The following DNAJB4 variants were observed in gnomAD, a reference collection of about 807,000 sequenced individuals.
The protein encoded by DNAJB4 is DnaJ heat shock protein family (Hsp40) member B4.
A neutral mutation model predicts 26.6 loss-of-function variants in DNAJB4; 10 were observed. The observed-to-expected ratio is 0.38, with a 90% confidence interval of 0.23 to 0.64. DNAJB4 has a LOEUF of 0.64. DNAJB4 is among the 30% of genes least tolerant of loss of function. DNAJB4 has a pLI of 0.58. For synonymous variants in DNAJB4, 136 were observed against 134.8 expected (o/e 1.01, Z -0.06); for missense variants, 328 against 408.2 (o/e 0.80, Z 1.69).
chr1:77,997,936 C>T (rs894203539), intron 1 of DNAJB4, among the ~76,000 whole-genome samples: 3 of 152,086 alleles, frequency 2.0e-5, no homozygotes, highest in East Asian at 3.9e-4. Flanking sequence ...CACAGGTGCA[C>T]GCCACCATGC....
chr1:77,992,431 A>AAAAAAAAAAAAAC (rs1659954277), intron 1 of DNAJB4, among the ~76,000 whole-genome samples: 1 of 150,588 alleles, frequency 6.6e-6, no homozygotes, highest in African/African-American at 2.4e-5. Flanking sequence ...AAAAAAAAAA[A>AAAAAAAAAAAAAC]AAAAAAGAAC....
At position 78,016,507 on chromosome 1, in the gene DNAJB4, T is replaced by C. The variant is rs1166169203; in HGVS notation, c.*260T>C. The C allele has an allele frequency of 9.0e-6, 4 of 445,012 alleles. No homozygotes were observed. The highest frequency in any genetic ancestry group is 1.6e-5 in the Non-Finnish European group (4 of 251,658). The allele number at this position is 445,012 out of a possible 1,614,324, so 27.6% of individuals were successfully genotyped here. ...TTAGTAATTTGCTTATATGTAAAAGTTGTTTTTGTGGAGTCAGTGGATATA... is the reference window on the plus strand; with the variant it reads ...TTAGTAATTTGCTTATATGTAAAAGCTGTTTTTGTGGAGTCAGTGGATATA... On this transcript the variant is annotated 3_prime_UTR_variant, in exon 3 of 3. Transcript: ENST00000370763.
chr1:77,983,681 A>G (rs374252509), intron 1 of DNAJB4, among the ~76,000 whole-genome samples: 6 of 152,326 alleles, frequency 3.9e-5, no homozygotes, highest in East Asian at 3.9e-4. Flanking sequence ...GACACAGCAC[A>G]TGTTTCAGAG....
upstream of DNAJB4, among the ~76,000 whole-genome samples, chr1:78,000,744 G>T (rs1660170133): frequency 6.6e-6 from 1 of 152,126 alleles, no homozygotes; most frequent in African/African-American, 2.4e-5. Context: ...AGCACTTTGG[G>T]AGGCCAAGGC....
chr1:78,000,969 G>A (rs1241180225), upstream of DNAJB4, among the ~76,000 whole-genome samples: 1 of 150,556 alleles, frequency 6.6e-6, no homozygotes, highest in Non-Finnish European at 1.5e-5. Context: ...GACCAGCCTG[G>A]GCGACAGAGC....
chr1:77,979,878 G>GTT (rs111247352), upstream of DNAJB4, among the ~76,000 whole-genome samples: 16 of 149,550 alleles, frequency 1.1e-4, no homozygotes, highest in African/African-American at 3.0e-4. Flanking sequence ...TTTATTAAGG[G>GTT]TTTTTTTTTG....
intron 1 of DNAJB4, among the ~76,000 whole-genome samples, chr1:78,007,967 C>T (rs1660374494): frequency 6.6e-6 from 1 of 152,156 alleles, no homozygotes; most frequent in Non-Finnish European, 1.5e-5. Context: ...GTTGCATATG[C>T]TAAATTTATG....
rs67649336 is a variant in DNAJB4 at position 77,992,412 on chromosome 1, C to CAAAAA, written c.-32+12111_-32+12115dup. ...TGGGCGACAGAGCGAGACTCCGTCT[C>CAAAAA]AAAAAAAAAAAAAAAAAAAAAAAAA... On this transcript the variant is annotated intron_variant, in intron 1 of 2. Coordinates refer to the DNAJB4 transcript ENST00000426517. Among the ~76,000 whole-genome samples, 174 of 47,690 alleles carry CAAAAA rather than the reference C, an allele frequency of 3.6e-3. 11 individuals are homozygous for CAAAAA. The highest frequency in any genetic ancestry group is 4.8e-3 in the Non-Finnish European group (137 of 28,262). 31.3% of individuals were successfully genotyped at this position (47,690 alleles called of 152,430 possible).
chr1:77,989,882 A>G (rs1659891845), intron 1 of DNAJB4, among the ~76,000 whole-genome samples: 1 of 152,226 alleles, frequency 6.6e-6, no homozygotes, highest in South Asian at 2.1e-4. Flanking sequence ...GAATTTCATT[A>G]TTCAAAAACA....
chr1:77,997,374 A>G (rs1411718886), intron 1 of DNAJB4, among the ~76,000 whole-genome samples: 6 of 151,460 alleles, frequency 4.0e-5, no homozygotes, highest in Admixed American at 3.9e-4. Flanking sequence ...TATATATATT[A>G]GCAAGATGTG....
At chr1:77,999,066 A>G (rs115431130) in intron 1 of DNAJB4, among the ~76,000 whole-genome samples, 2 of 152,346 alleles carry the variant, frequency 1.3e-5, no homozygotes, top group East Asian at 1.9e-4. Flanking sequence ...ATAGCAATCT[A>G]TGGTAATGAT....
At chr1:78,011,020 A>C (rs1379528183) in intron 1 of DNAJB4, among the ~76,000 whole-genome samples, 1 of 152,130 alleles carries the variant, frequency 6.6e-6, no homozygotes, top group Non-Finnish European at 1.5e-5. Flanking sequence ...CTCCTAGCTT[A>C]ATCTGTTGGA....
intron 1 of DNAJB4, among the ~76,000 whole-genome samples, chr1:78,009,232 T>A (rs539149003): frequency 1.3e-5 from 2 of 152,206 alleles, no homozygotes; most frequent in Non-Finnish European, 2.9e-5. Flanking sequence ...AAATCTGGAT[T>A]TTTACATATT....
At position 77,996,749 on chromosome 1, in the gene DNAJB4, C is replaced by T. The variant is rs1660068260; in HGVS notation, c.-31-8331C>T. On this transcript the variant is annotated intron_variant, in intron 1 of 2. Transcript: ENST00000426517. The stretch of plus-strand genomic sequence containing the variant: ...CGATAAAATGGAAATTTTGATGATA[C>T]AGACAATAGTCCACAGAGAATTATG... Among the ~76,000 whole-genome samples the T allele has an allele frequency of 2.0e-5, 3 of 152,258 alleles. No individual in the cohort carries two copies. In the South Asian group the frequency reaches 6.2e-4, roughly 32 times the overall value.
At chr1:77,989,085 C>A (rs1425516892) in intron 1 of DNAJB4, among the ~76,000 whole-genome samples, 3 of 151,918 alleles carry the variant, frequency 2.0e-5, no homozygotes, top group African/African-American at 7.3e-5. Context: ...GATGTCCCCC[C>A]ACTCCTCTCT....
At chr1:78,008,403 T>A (rs905083567) in intron 1 of DNAJB4, among the ~76,000 whole-genome samples, 5 of 152,202 alleles carry the variant, frequency 3.3e-5, no homozygotes, top group African/African-American at 1.2e-4. Context: ...AGGAACTATT[T>A]AGCAATAAAA....
upstream of DNAJB4, among the ~76,000 whole-genome samples, chr1:78,003,911 T>C (rs1485398578): frequency 6.6e-5 from 10 of 152,212 alleles, no homozygotes; most frequent in Admixed American, 1.3e-4. Flanking sequence ...TTACCTAAAA[T>C]GATATTATAG....
chr1:78,006,246 C>G, intron 1 of DNAJB4, among the ~76,000 whole-genome samples: 1 of 152,112 alleles, frequency 6.6e-6, no homozygotes, highest in South Asian at 2.1e-4. Context: ...TCAGGTTTGT[C>G]CATCACTTCC....
intron 1 of DNAJB4, among the ~76,000 whole-genome samples, chr1:78,007,714 A>G (rs1660366549): frequency 6.6e-6 from 1 of 152,246 alleles, no homozygotes; most frequent in Admixed American, 6.5e-5. Flanking sequence ...TTATTCTATT[A>G]AAAAATCCCA....
Sources: allele counts gnomAD v4.1 joint callset (sites outside exome capture counted in the v4.1 genomes callset), GRCh38; gene constraint gnomAD v4.1.1; transcripts MANE v1.5; gene names NCBI Gene and HGNC (gene_info 2026-07-23, HGNC 2026-07-21).